FBXL7: variants seen among roughly 807,000 people sequenced by gnomAD.
FBXL7 encodes the protein F-box and leucine rich repeat protein 7.
FBXL7 carries 12 observed loss-of-function variants against 38.3 expected under a neutral mutation model. The observed-to-expected ratio is 0.31, with a 90% CI of 0.20 to 0.51. The LOEUF is 0.51. Among genes scored for constraint, FBXL7 ranks in the 20% least tolerant of loss-of-function variants. The pLI, the probability that FBXL7 is intolerant of heterozygous loss-of-function variation, is 0.98. For synonymous variants in FBXL7, 297 were observed against 300.9 expected (o/e 0.99, Z 0.13); for missense variants, 567 against 676.4 (o/e 0.84, Z 1.79).
intron 1 of FBXL7, among the ~76,000 whole-genome samples, chr5:15,515,673 G>A (rs549071465): frequency 3.9e-5 from 6 of 152,266 alleles, no homozygotes; most frequent in South Asian, 2.1e-4. Flanking sequence ...TCAGCATTTC[G>A]TGTTACTGGT....
rs374386394 is a variant in FBXL7 at position 15,581,247 on chromosome 5, T to C, written c.38-34736T>C. 1.2e-4 allele frequency among the ~76,000 whole-genome samples: 19 copies of C among 152,312 alleles called. 1 individual carries two copies. In the East Asian group the frequency reaches 1.7e-3, roughly 14 times the overall value. On this transcript the variant is annotated intron_variant, in intron 1 of 3. Coordinates refer to ENST00000504595, the MANE Select transcript of FBXL7 (RefSeq NM_012304.5). ...GGCAGATTTATTGGCTATTCTTTAT[T>C]ATGTCATTAAAAAAAATCAACTTAT...
chr5:15,750,309 T>G (rs1261527439), intron 2 of FBXL7, among the ~76,000 whole-genome samples: 1 of 152,234 alleles, frequency 6.6e-6, no homozygotes, highest in African/African-American at 2.4e-5. Flanking sequence ...CAGATAGTAG[T>G]GACCTGGTTT....
At chr5:15,547,405 C>A (rs569647590) in intron 1 of FBXL7, among the ~76,000 whole-genome samples, 92 of 152,264 alleles carry the variant, frequency 6.0e-4, no homozygotes, top group African/African-American at 2.1e-3. Flanking sequence ...AACGAAGGGA[C>A]CAGTGTGCAG....
intron 2 of FBXL7, among the ~76,000 whole-genome samples, chr5:15,743,237 C>G (rs4379195): frequency 0.11 from 16,748 of 152,200 alleles, 1,025 homozygotes; most frequent in South Asian, 0.16. Flanking sequence ...CCATCTGAGA[C>G]AAGGCAAGTA....
intron 1 of FBXL7, among the ~76,000 whole-genome samples, chr5:15,510,691 G>A (rs1736771077): frequency 1.3e-5 from 2 of 152,176 alleles, no homozygotes; most frequent in African/African-American, 4.8e-5. Flanking sequence ...TTCTTCAAAA[G>A]AAAACTTAGG....
chr5:15,734,142 A>G (rs1260469061), intron 2 of FBXL7, among the ~76,000 whole-genome samples: 1 of 149,128 alleles, frequency 6.7e-6, no homozygotes, highest in Non-Finnish European at 1.5e-5. Context: ...AAAGCTTGTT[A>G]ATGCCTTTGC....
chr5:15,574,300 C>T (rs1352511248), intron 1 of FBXL7, among the ~76,000 whole-genome samples: 3 of 152,110 alleles, frequency 2.0e-5, no homozygotes, highest in Non-Finnish European at 4.4e-5. Context: ...ATAAAATATG[C>T]TTTAACAATA....
intron 2 of FBXL7, among the ~76,000 whole-genome samples, chr5:15,779,772 A>G (rs1736946223): frequency 6.6e-6 from 1 of 152,202 alleles, no homozygotes. Context: ...TTTGATTTAT[A>G]GCTTTGGCCT....
At chr5:15,801,675 GTGTT>G (rs1437240218) in intron 2 of FBXL7, among the ~76,000 whole-genome samples, 8 of 151,232 alleles carry the variant, frequency 5.3e-5, no homozygotes, top group African/African-American at 7.3e-5. Context: ...GCGTGTGTGT[GTGTT>G]TGTGTGTGTG....
At chr5:15,560,559 C>T (rs1738381216) in intron 1 of FBXL7, among the ~76,000 whole-genome samples, 1 of 152,252 alleles carries the variant, frequency 6.6e-6, no homozygotes, top group African/African-American at 2.4e-5. Context: ...AACTTCCCGA[C>T]CAGATAATGG....
intron 2 of FBXL7, among the ~76,000 whole-genome samples, chr5:15,780,771 G>A (rs1212792903): frequency 6.6e-6 from 1 of 152,150 alleles, no homozygotes; most frequent in Non-Finnish European, 1.5e-5. Flanking sequence ...GAAGAATTAA[G>A]TACAGAAATG....
chr5:15,539,899 A>C (rs1737699096), intron 1 of FBXL7, among the ~76,000 whole-genome samples: 1 of 152,154 alleles, frequency 6.6e-6, no homozygotes, highest in Non-Finnish European at 1.5e-5. Context: ...AGAAAATACA[A>C]AGTTGGGCGA....
chr5:15,897,608 G>A (rs1281495574), intron 2 of FBXL7, among the ~76,000 whole-genome samples: 1 of 152,208 alleles, frequency 6.6e-6, no homozygotes, highest in Non-Finnish European at 1.5e-5. Flanking sequence ...CCAAGGATGA[G>A]AAGGAAGAGG....
chr5:15,613,938 T>C (rs1740349302), intron 1 of FBXL7, among the ~76,000 whole-genome samples: 1 of 152,090 alleles, frequency 6.6e-6, no homozygotes, highest in African/African-American at 2.4e-5. Flanking sequence ...TAAACAGTCT[T>C]CTACTGTGTC....
At chr5:15,693,396 G>T (rs1743238984) in intron 2 of FBXL7, among the ~76,000 whole-genome samples, 1 of 152,136 alleles carries the variant, frequency 6.6e-6, no homozygotes, top group Non-Finnish European at 1.5e-5. Flanking sequence ...ATATTGGACA[G>T]GATCCATATT....
chr5:15,917,830 G>A (rs1561187764), intron 2 of FBXL7, among the ~76,000 whole-genome samples: 1 of 148,898 alleles, frequency 6.7e-6, no homozygotes, highest in Non-Finnish European at 1.5e-5. Flanking sequence ...AGATATTCTA[G>A]AAACATTCTC....
intron 2 of FBXL7, among the ~76,000 whole-genome samples, chr5:15,833,314 G>T (rs1183095322): frequency 6.6e-6 from 1 of 152,128 alleles, no homozygotes; most frequent in East Asian, 1.9e-4. Context: ...GGACAGGAAA[G>T]CTCTCTGGGG....
At chr5:15,821,108 C>T (rs1738158004) in intron 2 of FBXL7, among the ~76,000 whole-genome samples, 1 of 152,124 alleles carries the variant, frequency 6.6e-6, no homozygotes, top group African/African-American at 2.4e-5. Context: ...CATGGTAGGT[C>T]CCCAGTAAAT....
At chr5:15,863,353 T>C (rs180672644) in intron 2 of FBXL7, among the ~76,000 whole-genome samples, 26 of 152,266 alleles carry the variant, frequency 1.7e-4, no homozygotes, top group African/African-American at 6.3e-4. Context: ...CATTTTTATT[T>C]AAGAAGAAAA....
Sources: gnomAD v4.1 joint callset for allele counts (sites outside exome capture counted in the v4.1 genomes callset) on GRCh38, gnomAD v4.1.1 for gene constraint, MANE v1.5 for transcripts, NCBI Gene and HGNC (gene_info 2026-07-23, HGNC 2026-07-21) for gene names.